The following AFG2A variants were observed in gnomAD, a reference collection of about 807,000 sequenced individuals.
AFG2A encodes AAA ATPase AFG2A, also known as ATPase family gene 2 protein homolog A.
At chr4:123,176,230 C>T in the AFG2A span, among the ~76,000 whole-genome samples, 939 of 152,220 alleles carry the variant, frequency 6.2e-3, 12 homozygotes, top group African/African-American at 0.021. Context: ...GAATATGCAG[C>T]GGTCTTGTTT....
chr4:122,924,621 T>G, the AFG2A span, among the ~76,000 whole-genome samples: 2 of 151,902 alleles, frequency 1.3e-5, no homozygotes, highest in Non-Finnish European at 2.9e-5. Context: ...GTCCAAAACC[T>G]TTTTTTTCCT....
the AFG2A span, among the ~76,000 whole-genome samples, chr4:122,990,302 A>G: frequency 4.6e-5 from 7 of 152,208 alleles, no homozygotes; most frequent in African/African-American, 9.7e-5. Context: ...GAAAACTCCT[A>G]TTCTGCCACC....
At chr4:122,965,339 C>T in the AFG2A span, among the ~76,000 whole-genome samples, 3 of 152,128 alleles carry the variant, frequency 2.0e-5, no homozygotes, top group Non-Finnish European at 4.4e-5. Flanking sequence ...TTGTTTGCAT[C>T]TGGAGCAGAT....
chr4:123,230,420 C>G, the AFG2A span, among the ~76,000 whole-genome samples: 1 of 151,916 alleles, frequency 6.6e-6, no homozygotes, highest in Non-Finnish European at 1.5e-5. Flanking sequence ...TCATGAGATT[C>G]CTGCAATTCA....
the AFG2A span, among the ~76,000 whole-genome samples, chr4:123,215,664 C>G: frequency 6.6e-6 from 1 of 152,038 alleles, no homozygotes; most frequent in Non-Finnish European, 1.5e-5. Flanking sequence ...TCCCAAAGTG[C>G]TCCTTCTGTT....
At chr4:123,274,470 A>C in the AFG2A span, among the ~76,000 whole-genome samples, 1 of 151,916 alleles carries the variant, frequency 6.6e-6, no homozygotes, top group African/African-American at 2.4e-5. Flanking sequence ...GTCCCAAGCT[A>C]GAGATAAAGA....
chr4:122,941,415 C>T, the AFG2A span, among the ~76,000 whole-genome samples: 1 of 152,130 alleles, frequency 6.6e-6, no homozygotes, highest in Non-Finnish European at 1.5e-5. Context: ...GGAGTTCACT[C>T]ATGATTTGGC....
the AFG2A span, among the ~76,000 whole-genome samples, chr4:122,941,222 G>T: frequency 6.6e-6 from 1 of 151,692 alleles, no homozygotes; most frequent in Non-Finnish European, 1.5e-5. Context: ...ATTACCTTGG[G>T]CAGTGTGGCC....
chr4:122,983,364 G>T, the AFG2A span, among the ~76,000 whole-genome samples: 2 of 151,392 alleles, frequency 1.3e-5, no homozygotes, highest in East Asian at 1.9e-4. Flanking sequence ...AACTTATTTT[G>T]TTCTTTTTCT....
At chr4:123,147,620 G>A in the AFG2A span, among the ~76,000 whole-genome samples, 1 of 152,080 alleles carries the variant, frequency 6.6e-6, no homozygotes, top group African/African-American at 2.4e-5. Context: ...GTATGAACAA[G>A]GTTTCTCTGT....
the AFG2A span, among the ~76,000 whole-genome samples, chr4:123,186,882 G>A: frequency 6.6e-6 from 1 of 152,106 alleles, no homozygotes; most frequent in South Asian, 2.1e-4. Context: ...TGGAGAGGGG[G>A]ACAGCTTTGT....
chr4:123,116,058 C>T, the AFG2A span, among the ~76,000 whole-genome samples: 1 of 152,088 alleles, frequency 6.6e-6, no homozygotes, highest in African/African-American at 2.4e-5. Flanking sequence ...TGCCACCACT[C>T]CCAGCTAATA....
chr4:123,034,375 C>A, the AFG2A span, among the ~76,000 whole-genome samples: 1 of 151,844 alleles, frequency 6.6e-6, no homozygotes, highest in Non-Finnish European at 1.5e-5. Flanking sequence ...CTCATAACCC[C>A]TCTCCAACCA....
the AFG2A span, chr4:122,927,534 T>G: frequency 8.5e-7 from 1 of 1,179,068 alleles, no homozygotes; most frequent in Non-Finnish European, 1.2e-6. Flanking sequence ...AGTACATTCA[T>G]GTGGTTATAT....
chr4:123,104,933 G>T, the AFG2A span, among the ~76,000 whole-genome samples: 1 of 152,222 alleles, frequency 6.6e-6, no homozygotes, highest in Non-Finnish European at 1.5e-5. Flanking sequence ...TGTAGAAGCC[G>T]TAGCCAGTTA....
chr4:123,247,190 A>C, the AFG2A span, among the ~76,000 whole-genome samples: 1 of 151,374 alleles, frequency 6.6e-6, no homozygotes, highest in Non-Finnish European at 1.5e-5. Flanking sequence ...CAAATGGGTT[A>C]CTTATGTAAA....
At chr4:122,961,075 A>G in the AFG2A span, among the ~76,000 whole-genome samples, 66,023 of 152,056 alleles carry the variant, frequency 0.43, 17,063 homozygotes, top group Non-Finnish European at 0.57. Flanking sequence ...TGAGCAAGCT[A>G]TTCAACCTCT....
At chr4:123,010,563 A>C in the AFG2A span, among the ~76,000 whole-genome samples, 1 of 148,770 alleles carries the variant, frequency 6.7e-6, no homozygotes, top group Admixed American at 6.6e-5. Context: ...AAATGAATGG[A>C]TATTAGATAT....
the AFG2A span, among the ~76,000 whole-genome samples, chr4:123,116,964 G>A: frequency 2.6e-5 from 4 of 152,094 alleles, no homozygotes; most frequent in African/African-American, 9.7e-5. Context: ...TAAAGTAATT[G>A]CAATATCCAA....
Sources: gnomAD v4.1 joint callset for allele counts (sites outside exome capture counted in the v4.1 genomes callset) on GRCh38, gnomAD v4.1.1 for gene constraint, MANE v1.5 for transcripts, NCBI Gene and HGNC (gene_info 2026-07-23, HGNC 2026-07-21) for gene names.